Variants in TTLL11 observed in about 807,000 individuals in gnomAD.
The protein encoded by TTLL11 is tubulin tyrosine ligase like 11.
Under a neutral mutation model 51.7 loss-of-function variants are expected in TTLL11, and 42 were observed. That is an observed-to-expected ratio of 0.81 (90% CI 0.64 to 1.05). The LOEUF is 1.05. Among genes scored for constraint, TTLL11 ranks in the 50% least tolerant of loss-of-function variants. The pLI is 0.00. For synonymous variants in TTLL11, 381 were observed against 383.5 expected, an observed-to-expected ratio of 0.99 and a Z score of 0.08; for missense variants, 799 against 940.4, an observed-to-expected ratio of 0.85 and a Z score of 1.97.
chr9:121,985,303 T>A (rs7873553), intron 4 of TTLL11, among the ~76,000 whole-genome samples: 1 of 152,078 alleles, frequency 6.6e-6, no homozygotes, highest in Non-Finnish European at 1.5e-5. Context: ...CAACAACCCT[T>A]TGAGGTAGGC....
chr9:121,915,438 C>T (rs1359425568), intron 6 of TTLL11, among the ~76,000 whole-genome samples: 1 of 152,198 alleles, frequency 6.6e-6, no homozygotes, highest in East Asian at 1.9e-4. Context: ...GTTAGTTCCG[C>T]TTTCTTCTGA....
At chr9:121,956,229 C>A (rs7862052) in intron 6 of TTLL11, among the ~76,000 whole-genome samples, 2 of 151,808 alleles carry the variant, frequency 1.3e-5, no homozygotes, top group Admixed American at 6.6e-5. Context: ...GCCTGAAAAC[C>A]AGCTGGAAGA....
At chr9:121,908,057 T>C (rs1840001141) in intron 6 of TTLL11, among the ~76,000 whole-genome samples, 8 of 152,092 alleles carry the variant, frequency 5.3e-5, no homozygotes, top group Admixed American at 5.2e-4. Context: ...AAGGAGTAGG[T>C]GAACAAAGAA....
chr9:121,982,818 G>T (rs997148071), intron 4 of TTLL11, among the ~76,000 whole-genome samples: 6 of 152,204 alleles, frequency 3.9e-5, no homozygotes, highest in African/African-American at 1.2e-4. Flanking sequence ...CCAAAGAATA[G>T]CAAAGAGTGA....
At chr9:122,081,515 T>C (rs1027729019) in intron 1 of TTLL11, among the ~76,000 whole-genome samples, 4 of 152,238 alleles carry the variant, frequency 2.6e-5, no homozygotes, top group African/African-American at 4.8e-5. Flanking sequence ...CTACCATACT[T>C]ACTGCACAAA....
chr9:122,029,059 G>A (rs79339813), intron 3 of TTLL11, among the ~76,000 whole-genome samples: 3 of 152,176 alleles, frequency 2.0e-5, no homozygotes, highest in African/African-American at 4.8e-5. Flanking sequence ...TTAAAAATCA[G>A]TGATCTTAGT....
chr9:121,822,643 G>A lies in TTLL11; in HGVS notation c.2077C>T (p.Pro693Ser). The stretch of plus-strand genomic sequence containing the variant: ...TTATTGGCACAGCTGGTGCGGGGTG[G>A]GGGGTTGTCCCCTGCTGGCTGGGCC... ...PSAQPAGDNP[P>S]PRTSCANKLS... The change falls in exon 9 of 9, where the codon CCA (proline) becomes TCA (serine). Residue 693 changes from proline to serine, a missense_variant. Pro to Ser is a moderately conservative substitution (Grantham distance 74, BLOSUM62 -1). Transcript: ENST00000321582. This position sits in a 1 kb window ranked among gnomAD's most constrained non-coding sequence, Gnocchi z 5.8. 3.3e-6 allele frequency: 5 copies of A among 1,516,924 alleles called. No individual in the cohort carries two copies. Among genetic ancestry groups the A allele is most frequent in the African/African-American group, 1.4e-5 (1 of 72,194 alleles). 94.0% of individuals were successfully genotyped at this position (1,516,924 alleles called of 1,614,324 possible).
At position 121,870,558 on chromosome 9, in the gene TTLL11, G is replaced by T. The variant is rs373568909; in HGVS notation, c.1672C>A (p.Arg558=). ...LVDRMANLFI[R]FLGIKGTMKL... ...ATTGTCCCCTTGATGCCCAGGAACC[G>T]GATAAACAAATTTGCCATCCTGTCC... is the stretch of plus-strand genomic sequence containing the variant. The change falls in exon 7 of 9, where the codon CGG becomes AGG. Residue 558 remains arginine (R), a synonymous_variant. Transcript: ENST00000321582. The T allele has an allele frequency of 3.2e-5, 49 of 1,551,500 alleles. No individual in the cohort carries two copies. The highest frequency in any genetic ancestry group is 4.1e-5 in the Non-Finnish European group (47 of 1,146,996).
At chr9:121,957,734 C>T (rs1842063459) in intron 6 of TTLL11, among the ~76,000 whole-genome samples, 1 of 151,978 alleles carries the variant, frequency 6.6e-6, no homozygotes, top group African/African-American at 2.4e-5. Flanking sequence ...TGGCTGGAGT[C>T]CATCCTCTCA....
At chr9:121,973,944 T>C (rs1357153055) in intron 6 of TTLL11, 65 bp downstream of exon 6, 1 of 1,203,648 alleles carries the variant, frequency 8.3e-7, no homozygotes, top group African/African-American at 1.5e-5. Context: ...ACTTACCTGC[T>C]TAGGATACGA....
At chr9:121,952,865 G>A (rs1363777161) in intron 6 of TTLL11, among the ~76,000 whole-genome samples, 1 of 152,106 alleles carries the variant, frequency 6.6e-6, no homozygotes, top group African/African-American at 2.4e-5. Context: ...CAGACCTGAC[G>A]CATTCCCCAG....
At chr9:122,086,139 A>G (rs1031273239) in intron 1 of TTLL11, among the ~76,000 whole-genome samples, 2 of 152,246 alleles carry the variant, frequency 1.3e-5, no homozygotes, top group Non-Finnish European at 2.9e-5. Context: ...CCTAACCATT[A>G]CAACACCTGC....
intron 4 of TTLL11, among the ~76,000 whole-genome samples, chr9:121,987,200 G>C (rs1842962896): frequency 1.3e-5 from 2 of 152,152 alleles, no homozygotes; most frequent in South Asian, 4.1e-4. Context: ...ATGGTTTGGG[G>C]CAGAAACACA....
intron 6 of TTLL11, among the ~76,000 whole-genome samples, chr9:121,917,303 A>T (rs1409603051): frequency 4.7e-5 from 7 of 148,434 alleles, no homozygotes; most frequent in African/African-American, 1.8e-4. Context: ...TCTTATCTCT[A>T]TAAAAAAAAA....
chr9:121,832,336 G>A (rs1049422783), intron 8 of TTLL11, among the ~76,000 whole-genome samples: 4 of 151,998 alleles, frequency 2.6e-5, no homozygotes, highest in Non-Finnish European at 5.9e-5. Context: ...CTGCCCCTTC[G>A]CCAGCACTCA....
intron 6 of TTLL11, among the ~76,000 whole-genome samples, chr9:121,900,906 T>C (rs573255922): frequency 2.4e-4 from 37 of 152,254 alleles, no homozygotes; most frequent in African/African-American, 8.9e-4. Flanking sequence ...CCTCCTGGAC[T>C]CAAGTGGTCC....
chr9:121,883,132 T>A (rs1046954862), intron 6 of TTLL11, among the ~76,000 whole-genome samples: 1 of 152,162 alleles, frequency 6.6e-6, no homozygotes, highest in African/African-American at 2.4e-5. Flanking sequence ...TATAAACCCA[T>A]CTTTAGGGCA....
chr9:121,905,361 T>A, intron 6 of TTLL11, among the ~76,000 whole-genome samples: 1 of 152,052 alleles, frequency 6.6e-6, no homozygotes, highest in East Asian at 1.9e-4. Context: ...TAACTTTTTT[T>A]TTTTTTTTGA....
At chr9:121,997,579 C>A (rs959413421) in intron 3 of TTLL11, among the ~76,000 whole-genome samples, 2 of 152,160 alleles carry the variant, frequency 1.3e-5, no homozygotes, top group African/African-American at 4.8e-5. Flanking sequence ...GCAGAGAGGG[C>A]GTGGGCTTCG....
Sources: gnomAD v4.1 joint callset for allele counts (sites outside exome capture counted in the v4.1 genomes callset) on GRCh38, gnomAD v4.1.1 for gene constraint, Gnocchi (gnomAD v3.1) non-coding constraint, MANE v1.5 for transcripts, NCBI Gene and HGNC (gene_info 2026-07-23, HGNC 2026-07-21) for gene names.